Variants in DPP10 observed in about 807,000 individuals in gnomAD.
The protein encoded by DPP10 is inactive dipeptidyl peptidase 10.
DPP10 carries 33 observed loss-of-function variants against 120.9 expected under a neutral mutation model. The ratio of observed to expected loss-of-function variants is 0.27; its 90% CI spans 0.21 to 0.37. DPP10 has a LOEUF of 0.37. DPP10 is among the 10% of genes least tolerant of loss of function. The pLI, the probability that DPP10 is intolerant of heterozygous loss-of-function variation, is 1.00. For synonymous variants in DPP10, 337 were observed against 326.1 expected (o/e 1.03, Z -0.36); for missense variants, 816 against 942.8 (o/e 0.87, Z 1.76).
intron 15 of DPP10, among the ~76,000 whole-genome samples, chr2:115,778,852 C>A (rs1255250378): frequency 6.6e-6 from 1 of 152,094 alleles, no homozygotes; most frequent in Admixed American, 6.6e-5. Flanking sequence ...CCTCCTGGAA[C>A]GCATGTTCTT....
chr2:115,437,406 C>G (rs1342392060), intron 3 of DPP10, among the ~76,000 whole-genome samples: 1 of 151,996 alleles, frequency 6.6e-6, no homozygotes, highest in African/African-American at 2.4e-5. Flanking sequence ...CATCTCATGC[C>G]ATTCAAATCA....
At chr2:114,581,173 CTTTTTTTTTTT>C (rs70937291) in intron 1 of DPP10, among the ~76,000 whole-genome samples, 788 of 77,940 alleles carry the variant, frequency 0.01, 7 homozygotes, top group African/African-American at 0.038. Context: ...TTTTTCTTCT[CTTTTTTTTTTT>C]TTTTTTTTTT....
intron 1 of DPP10, among the ~76,000 whole-genome samples, chr2:114,492,452 C>A (rs965170275): frequency 8.6e-5 from 13 of 151,590 alleles, no homozygotes; most frequent in African/African-American, 2.9e-4. Flanking sequence ...ATATGTGCAA[C>A]TAAAAAATAA....
At chr2:114,656,301 G>A (rs1242819639) in intron 1 of DPP10, among the ~76,000 whole-genome samples, 1 of 152,002 alleles carries the variant, frequency 6.6e-6, no homozygotes, top group Non-Finnish European at 1.5e-5. Context: ...CAGTCAACGA[G>A]CTTGTTGAAA....
intron 1 of DPP10, among the ~76,000 whole-genome samples, chr2:114,901,187 T>TTTTG (rs1331882360): frequency 2.6e-5 from 4 of 152,030 alleles, no homozygotes; most frequent in Non-Finnish European, 5.9e-5. Flanking sequence ...CGTTTTGTTT[T>TTTTG]TTTGTTTGTT....
At chr2:114,480,319 C>T (rs1242387129) in intron 1 of DPP10, among the ~76,000 whole-genome samples, 1 of 151,920 alleles carries the variant, frequency 6.6e-6, no homozygotes, top group Admixed American at 6.6e-5. Context: ...GGATCTAGAA[C>T]TAGAAATACC....
At chr2:114,461,561 C>A in intron 1 of DPP10, 1 of 983,586 alleles carries the variant, frequency 1.0e-6, no homozygotes, top group Non-Finnish European at 1.2e-6. Flanking sequence ...TTTCTAAGAC[C>A]AGCCTCCTCT....
intron 7 of DPP10, among the ~76,000 whole-genome samples, chr2:115,699,215 G>C (rs2901392): frequency 0.69 from 105,330 of 151,974 alleles, 38,603 homozygotes; most frequent in East Asian, 0.91. Flanking sequence ...CTTCGTAGTA[G>C]AGTCATGAAG....
At chr2:114,954,180 T>TTGACATTCTCCTGCCTCAGCCTCC (rs1698026925) in intron 1 of DPP10, among the ~76,000 whole-genome samples, 1 of 151,186 alleles carries the variant, frequency 6.6e-6, no homozygotes, top group Non-Finnish European at 1.5e-5. Context: ...TCCCAGGTTC[T>TTGACATTCTCCTGCCTCAGCCTCC]TGCCATTCTC....
intron 1 of DPP10, among the ~76,000 whole-genome samples, chr2:114,575,903 C>CAATAAACT (rs1390850780): frequency 2.0e-5 from 3 of 151,922 alleles, no homozygotes; most frequent in Non-Finnish European, 4.4e-5. Flanking sequence ...TGCCTCCAGA[C>CAATAAACT]AATAAACTTA....
intron 2 of DPP10, among the ~76,000 whole-genome samples, chr2:115,317,646 T>C (rs1222458713): frequency 6.6e-6 from 1 of 151,390 alleles, no homozygotes; most frequent in African/African-American, 2.4e-5. Context: ...TTTTTTTTTT[T>C]CAATTATGGG....
intron 3 of DPP10, among the ~76,000 whole-genome samples, chr2:115,384,058 G>T (rs985977719): frequency 6.6e-6 from 1 of 152,144 alleles, no homozygotes; most frequent in African/African-American, 2.4e-5. Flanking sequence ...AAAGTATGTT[G>T]CTTTGGCATG....
chr2:115,246,579 A>T (rs760191035), intron 1 of DPP10, among the ~76,000 whole-genome samples: 3 of 152,082 alleles, frequency 2.0e-5, no homozygotes, highest in Non-Finnish European at 4.4e-5. Flanking sequence ...TTATTGTAGC[A>T]TCTGGGCGAA....
At chr2:115,387,307 A>G (rs1265075962) in intron 3 of DPP10, among the ~76,000 whole-genome samples, 1 of 152,210 alleles carries the variant, frequency 6.6e-6, no homozygotes, top group East Asian at 1.9e-4. Context: ...GCTTCAAACA[A>G]CATGTTAACA....
intron 1 of DPP10, among the ~76,000 whole-genome samples, chr2:114,734,718 T>C (rs905597867): frequency 1.1e-4 from 16 of 152,234 alleles, no homozygotes; most frequent in Admixed American, 7.9e-4. Context: ...CAGAAAAGTG[T>C]CTGAAATGGT....
chr2:114,668,047 A>G (rs551663724), intron 1 of DPP10, among the ~76,000 whole-genome samples: 11 of 152,140 alleles, frequency 7.2e-5, no homozygotes, highest in Non-Finnish European at 1.6e-4. Flanking sequence ...TGGAAATTTA[A>G]CAATCTAGCT....
At chr2:115,828,364 T>A (rs1688591005) in intron 21 of DPP10, among the ~76,000 whole-genome samples, 1 of 152,148 alleles carries the variant, frequency 6.6e-6, no homozygotes, top group Non-Finnish European at 1.5e-5. Flanking sequence ...TTTCTTCATA[T>A]GTCTTACGCT....
chr2:115,083,079 G>T (rs866663838), intron 1 of DPP10, among the ~76,000 whole-genome samples: 21 of 152,098 alleles, frequency 1.4e-4, no homozygotes, highest in African/African-American at 4.3e-4. Context: ...TATGACACTG[G>T]ATCTTTGTGC....
intron 1 of DPP10, among the ~76,000 whole-genome samples, chr2:114,507,530 T>C (rs1683780962): frequency 1.3e-5 from 2 of 152,202 alleles, no homozygotes; most frequent in Admixed American, 6.5e-5. Flanking sequence ...ATGATTCATA[T>C]ATTGGCTTAA....
Sources: gnomAD v4.1 joint callset for allele counts (sites outside exome capture counted in the v4.1 genomes callset) on GRCh38, gnomAD v4.1.1 for gene constraint, MANE v1.5 for transcripts, NCBI Gene and HGNC (gene_info 2026-07-23, HGNC 2026-07-21) for gene names.